NEXMIF: variants seen among roughly 807,000 people sequenced by gnomAD.
NEXMIF encodes neurite extension and migration factor, also known as XLMR protein related to neurite extension.
In NEXMIF, 8 loss-of-function variants were observed where a neutral mutation model predicts 62.1. The ratio of observed to expected loss-of-function variants is 0.13; its 90% CI spans 0.08 to 0.23. The LOEUF is 0.23. Ranked by LOEUF, NEXMIF falls within the 10% of genes least tolerant of loss-of-function variation. NEXMIF has a pLI of 1.00. For missense variants in NEXMIF, 976 were observed against 1,113.3 expected, an observed-to-expected ratio of 0.88 and a Z score of 1.75; for synonymous variants, 404 against 416.6, an observed-to-expected ratio of 0.97 and a Z score of 0.37.
In NEXMIF at chrX:74,742,629, G is replaced by A. The variant is rs2147440595; in HGVS notation, c.1928C>T (p.Ser643Phe). The A allele has an allele frequency of 8.3e-7, 1 of 1,211,108 alleles. No homozygotes were observed. The highest frequency in any genetic ancestry group is 3.0e-5 in the East Asian group (1 of 33,820). ...GNRHRIQRIP[S>F]IEISASSKQI... ...TTTACTACTTGCTGAAATTTCAATGGATGGGATTCTTTGAATCCTGTGCCT... is the reference window on the plus strand; with the variant it reads ...TTTACTACTTGCTGAAATTTCAATGAATGGGATTCTTTGAATCCTGTGCCT... The change falls in exon 3 of 4, where the codon TCC (serine) becomes TTC (phenylalanine). Residue 643 changes from serine (S) to phenylalanine (F), a missense_variant. Coordinates refer to ENST00000055682, the MANE Select transcript of NEXMIF (RefSeq NM_001008537.3).
chrX:74,913,268 C>G (rs1464660300), intron 1 of NEXMIF, among the ~76,000 whole-genome samples: 1 of 111,636 alleles, frequency 9.0e-6, no homozygotes, highest in East Asian at 2.8e-4. Flanking sequence ...AACATAAAAA[C>G]TCAATGTATG....
intron 1 of NEXMIF, among the ~76,000 whole-genome samples, chrX:74,920,608 T>A (rs2080823648): frequency 8.9e-6 from 1 of 112,066 alleles, no homozygotes; most frequent in Non-Finnish European, 1.9e-5. Flanking sequence ...TTTCTTTGGC[T>A]GTGCAGAAGC....
chrX:74,904,053 T>G (rs1305100703), intron 1 of NEXMIF, among the ~76,000 whole-genome samples: 1 of 110,676 alleles, frequency 9.0e-6, no homozygotes, highest in Non-Finnish European at 1.9e-5. Flanking sequence ...CCTCACTCCA[T>G]GGACTGGGGA....
At chrX:74,852,254 C>G (rs2080517630) in intron 1 of NEXMIF, among the ~76,000 whole-genome samples, 1 of 111,511 alleles carries the variant, frequency 9.0e-6, no homozygotes, top group African/African-American at 3.3e-5. Context: ...GAGATCAATT[C>G]AGCAAGAGAA....
chrX:74,774,350 G>A (rs1445050872), intron 1 of NEXMIF, among the ~76,000 whole-genome samples: 1 of 111,699 alleles, frequency 9.0e-6, no homozygotes, highest in Non-Finnish European at 1.9e-5. Context: ...ACGTGGCCCT[G>A]TAAAATAAAG....
chrX:74,811,324 T>A (rs987591106), intron 1 of NEXMIF, among the ~76,000 whole-genome samples: 1 of 111,475 alleles, frequency 9.0e-6, no homozygotes, highest in African/African-American at 3.3e-5. Flanking sequence ...GACTTCCCCT[T>A]CCATTTTCCC....
chrX:74,767,591 G>A (rs1463683617), intron 1 of NEXMIF, among the ~76,000 whole-genome samples: 1 of 111,785 alleles, frequency 8.9e-6, no homozygotes. Context: ...CAGCAAAGAT[G>A]GCTACCCATC....
chrX:74,907,334 A>ACCCCCCCCCCCCCCCCCCCCCCC (rs56726810), intron 1 of NEXMIF, among the ~76,000 whole-genome samples: 1 of 53,047 alleles, frequency 1.9e-5, no homozygotes, highest in African/African-American at 7.1e-5. Flanking sequence ...AAGCAAGAGC[A>ACCCCCCCCCCCCCCCCCCCCCCC]CCCCCCCCCC....
At chrX:74,861,001 G>A (rs1253996423) in intron 1 of NEXMIF, among the ~76,000 whole-genome samples, 1 of 111,851 alleles carries the variant, frequency 8.9e-6, no homozygotes, top group East Asian at 2.8e-4. Flanking sequence ...CAAACCTTTA[G>A]TTAGAATAAC....
At position 74,740,693 on chromosome X, in the gene NEXMIF, C is replaced by T. The variant is rs756033104; in HGVS notation, c.3864G>A (p.Glu1288=). 3.3e-6 allele frequency: 4 copies of T among 1,212,108 alleles called. No homozygotes were observed. In the South Asian group the frequency reaches 5.3e-5, roughly 16 times the overall value. ...TCATATCACTCCAGCCTGGGCTGCT[C>T]TCCTTCCCCAAGGCCCAATCTCCAG... ...GLSGDWALGK[E]SSPGWSDMSM... Residue 1288 remains glutamate, a synonymous_variant, in exon 3 of 4, where the codon GAG becomes GAA. Coordinates refer to ENST00000055682, the MANE Select transcript of NEXMIF (RefSeq NM_001008537.3).
At chrX:74,849,797 C>T (rs1465557993) in intron 1 of NEXMIF, among the ~76,000 whole-genome samples, 2 of 112,385 alleles carry the variant, frequency 1.8e-5, no homozygotes, top group African/African-American at 6.5e-5. Context: ...GCTGCCAGGG[C>T]TGAAGTGTGA....
intron 1 of NEXMIF, among the ~76,000 whole-genome samples, chrX:74,752,037 C>A (rs188949986): frequency 2.3e-4 from 26 of 111,085 alleles, no homozygotes; most frequent in African/African-American, 7.2e-4. Context: ...GAACTTGTGA[C>A]CTCAGGTGAT....
At chrX:74,778,765 C>T (rs2080236296) in intron 1 of NEXMIF, among the ~76,000 whole-genome samples, 1 of 111,588 alleles carries the variant, frequency 9.0e-6, no homozygotes, top group Non-Finnish European at 1.9e-5. Flanking sequence ...ATTCTCCTGC[C>T]TCAACCTCCA....
At chrX:74,754,000 C>T (rs907827571) in intron 1 of NEXMIF, among the ~76,000 whole-genome samples, 10 of 112,158 alleles carry the variant, frequency 8.9e-5, no homozygotes, top group Non-Finnish European at 1.7e-4. Context: ...CTCGCTCTGT[C>T]GCCCAGGCTG....
intron 1 of NEXMIF, among the ~76,000 whole-genome samples, chrX:74,880,499 T>A (rs2080658558): frequency 9.0e-6 from 1 of 111,669 alleles, no homozygotes; most frequent in South Asian, 3.8e-4. Flanking sequence ...ATTACAAACG[T>A]TACAATTCTG....
chrX:74,824,688 GC>G (rs1301736971), intron 1 of NEXMIF, among the ~76,000 whole-genome samples: 2 of 103,814 alleles, frequency 1.9e-5, no homozygotes, highest in Non-Finnish European at 3.9e-5. Flanking sequence ...TCACTCTGTC[GC>G]CCAGGCTGGA....
chrX:74,765,149 G>A (rs745742276), intron 1 of NEXMIF, among the ~76,000 whole-genome samples: 7 of 111,605 alleles, frequency 6.3e-5, no homozygotes, highest in South Asian at 7.5e-4. Flanking sequence ...AGGACTTCTC[G>A]TTCAATTAAA....
At chrX:74,801,874 G>C (rs763644022) in intron 1 of NEXMIF, among the ~76,000 whole-genome samples, 1 of 112,177 alleles carries the variant, frequency 8.9e-6, no homozygotes, top group South Asian at 3.7e-4. Flanking sequence ...TTCACCACAA[G>C]CTGACTGAAG....
intron 1 of NEXMIF, among the ~76,000 whole-genome samples, chrX:74,851,669 C>A (rs941458133): frequency 1.8e-5 from 2 of 111,258 alleles, no homozygotes; most frequent in Admixed American, 1.9e-4. Flanking sequence ...AAAGTCTTTC[C>A]CAGACAAGCC....
Sources: gnomAD v4.1 joint callset for allele counts (sites outside exome capture counted in the v4.1 genomes callset) on GRCh38, gnomAD v4.1.1 for gene constraint, MANE v1.5 for transcripts, NCBI Gene and HGNC (gene_info 2026-07-23, HGNC 2026-07-21) for gene names.